KCND3: variants seen among roughly 807,000 people sequenced by gnomAD.
The protein encoded by KCND3 is A-type voltage-gated potassium channel KCND3.
KCND3 carries 9 observed loss-of-function variants against 51.1 expected under a neutral mutation model. The ratio of observed to expected loss-of-function variants is 0.18; its 90% CI spans 0.11 to 0.31. KCND3 has a LOEUF of 0.31. Ranked by LOEUF, KCND3 falls within the 10% of genes least tolerant of loss-of-function variation. The pLI, the probability that KCND3 is intolerant of heterozygous loss-of-function variation, is 1.00. For synonymous variants in KCND3, 349 were observed against 368.0 expected, an observed-to-expected ratio of 0.95 and a Z score of 0.59; for missense variants, 526 against 903.8, an observed-to-expected ratio of 0.58 and a Z score of 5.36.
chr1:111,854,769 G>A (rs1422537038), intron 2 of KCND3, among the ~76,000 whole-genome samples: 1 of 152,132 alleles, frequency 6.6e-6, no homozygotes, highest in Non-Finnish European at 1.5e-5. Flanking sequence ...AGAGATGAGG[G>A]GACTAAGGCC....
intron 2 of KCND3, among the ~76,000 whole-genome samples, chr1:111,886,413 A>T (rs1449534752): frequency 6.6e-6 from 1 of 152,222 alleles, no homozygotes; most frequent in East Asian, 1.9e-4. Context: ...CATGAAAAAT[A>T]TGGGGAAGAG....
At chr1:111,848,516 A>C (rs1022564629) in intron 2 of KCND3, among the ~76,000 whole-genome samples, 2 of 152,152 alleles carry the variant, frequency 1.3e-5, no homozygotes, top group African/African-American at 4.8e-5. Context: ...ATATAGCTGC[A>C]AACAAATAGG....
Position 111,780,768 on chromosome 1 carries a change from A to G in KCND3, c.1293T>C (p.Arg431=). 4 of 1,613,496 alleles carry G rather than the reference A, an allele frequency of 2.5e-6. No homozygotes were observed. The highest frequency in any genetic ancestry group is 3.4e-6 in the Non-Finnish European group (4 of 1,179,854). ...AQKKARLARI[R]VAKTGSSNAY... is the part of the protein sequence containing the mutation. Reference sequence around the variant, plus strand: ...CATTCGAACTGCCTGTTTTGGCCACACGGATCCTGGCAAGGCGGGCCTTCT... The same window carrying G: ...CATTCGAACTGCCTGTTTTGGCCACGCGGATCCTGGCAAGGCGGGCCTTCT... Residue 431 remains arginine (R), a synonymous_variant, in exon 4 of 8, where the codon CGT becomes CGC. Coordinates refer to ENST00000302127, the MANE Select transcript of KCND3 (RefSeq NM_001378969.1). The surrounding 1 kb of genome is among the most constrained non-coding windows in gnomAD (Gnocchi z 4.2).
At chr1:111,936,999 G>A (rs1672251621) in intron 2 of KCND3, among the ~76,000 whole-genome samples, 1 of 152,158 alleles carries the variant, frequency 6.6e-6, no homozygotes, top group Non-Finnish European at 1.5e-5. Context: ...CAAGGCTAGT[G>A]GAATAATTTT....
chr1:111,982,999 C>T lies in KCND3; in HGVS notation c.-72-201G>A, dbSNP rs750966781. Among the ~76,000 whole-genome samples, 2 of 152,088 alleles carry T rather than the reference C, an allele frequency of 1.3e-5. No individual in the cohort carries two copies. The highest frequency in any genetic ancestry group is 1.3e-4 in the Admixed American group (2 of 15,270). On this transcript the variant is annotated intron_variant, in intron 1 of 7. Coordinates refer to ENST00000302127, the MANE Select transcript of KCND3 (RefSeq NM_001378969.1). The surrounding 1 kb of genome is among the most constrained non-coding windows in gnomAD (Gnocchi z 8.5). ...GGGAGAACACCTAGCTCCTGGAGCT[C>T]GGCAGGGTGGGATCGCCAGATGTTG...
chr1:111,973,910 C>G (rs1674480484), intron 2 of KCND3, among the ~76,000 whole-genome samples: 1 of 152,218 alleles, frequency 6.6e-6, no homozygotes, highest in Non-Finnish European at 1.5e-5. Context: ...CCAGCCTCAT[C>G]CATCTCTCCA....
chr1:111,989,660 T>G lies in KCND3; in HGVS notation c.-228A>C, dbSNP rs2102023673. The G allele has an allele frequency of 6.7e-6, 1 of 148,374 alleles. No homozygotes were observed. The highest frequency in any genetic ancestry group is 2.0e-4 in the East Asian group (1 of 5,082). The allele number at this position is 148,374 out of a possible 1,614,324, so 9.2% of individuals were successfully genotyped here. ...GCGGCTCCTCCTCGCCAGCGCAGTC[T>G]CGCTCGCTGCCTCCCTCGCTCGGTC... On this transcript the variant is annotated 5_prime_UTR_variant, in exon 1 of 8. Transcript: ENST00000302127.
chr1:111,854,830 C>T (rs1024727287), intron 2 of KCND3, among the ~76,000 whole-genome samples: 10 of 152,208 alleles, frequency 6.6e-5, no homozygotes, highest in South Asian at 4.1e-4. Context: ...AGCTGCTGAG[C>T]TGGAGCCTCC....
At chr1:111,963,744 CT>C (rs1374226024) in intron 2 of KCND3, among the ~76,000 whole-genome samples, 1 of 152,216 alleles carries the variant, frequency 6.6e-6, no homozygotes, top group African/African-American at 2.4e-5. Flanking sequence ...GAGAGACTTC[CT>C]GACAGCAAGC....
chr1:111,949,767 C>T (rs1672967117), intron 2 of KCND3, among the ~76,000 whole-genome samples: 1 of 151,810 alleles, frequency 6.6e-6, no homozygotes. Context: ...ACATGTGATT[C>T]CTTCCAAGAA....
intron 2 of KCND3, among the ~76,000 whole-genome samples, chr1:111,962,865 T>C (rs1388792766): frequency 6.6e-6 from 1 of 152,224 alleles, no homozygotes; most frequent in Non-Finnish European, 1.5e-5. Flanking sequence ...CCTTTGGCCA[T>C]TGGGACATTA....
At chr1:111,792,865 T>C (rs1202082111) in intron 2 of KCND3, among the ~76,000 whole-genome samples, 1 of 149,696 alleles carries the variant, frequency 6.7e-6, no homozygotes. Flanking sequence ...TAATTCTCAC[T>C]TCTACTTTTG....
Position 111,933,965 on chromosome 1 carries a change from A to G in KCND3, c.1106+47656T>C, listed in dbSNP as rs188614398. ...TATAGGCAGGAGGCACAGATCAAGCATCTGTTGACAGAAGCAAATTGAAGG... is the reference window on the plus strand; with the variant it reads ...TATAGGCAGGAGGCACAGATCAAGCGTCTGTTGACAGAAGCAAATTGAAGG... On this transcript the variant is annotated intron_variant, in intron 2 of 7. Coordinates refer to ENST00000302127, the MANE Select transcript of KCND3 (RefSeq NM_001378969.1). Among the ~76,000 whole-genome samples the G allele has an allele frequency of 1.9e-3, 287 of 152,336 alleles. 3 individuals are homozygous for G. The highest frequency in any genetic ancestry group is 1.8e-3 in the Non-Finnish European group (125 of 68,028).
chr1:111,949,682 AT>A (rs1672961703), intron 2 of KCND3, among the ~76,000 whole-genome samples: 1 of 149,878 alleles, frequency 6.7e-6, no homozygotes, highest in South Asian at 2.1e-4. Context: ...TTTTTAGTTG[AT>A]TCCTTCTGCC....
chr1:111,977,583 C>A (rs563539893), intron 2 of KCND3, among the ~76,000 whole-genome samples: 1 of 152,168 alleles, frequency 6.6e-6, no homozygotes, highest in East Asian at 1.9e-4. Flanking sequence ...TCATCGGGAT[C>A]GGACACTGCT....
intron 2 of KCND3, among the ~76,000 whole-genome samples, chr1:111,968,740 C>T (rs534213506): frequency 4.6e-5 from 7 of 152,198 alleles, no homozygotes; most frequent in African/African-American, 1.2e-4. Context: ...CAGGCTCCCC[C>T]ACCTGGTCCC....
Position 111,770,848 on chromosome 1 carries a change from C to T in KCND3, c.*5229G>A, listed in dbSNP as rs919366597. 1.3e-5 allele frequency: 2 copies of T among 151,578 alleles called. No individual in the cohort carries two copies. Among genetic ancestry groups the T allele is most frequent in the Non-Finnish European group, 1.5e-5 (1 of 67,934 alleles). 9.4% of individuals were successfully genotyped at this position (151,578 alleles called of 1,614,324 possible). A position where few individuals can be genotyped will look rare whatever the true frequency, so the allele number is the denominator to read the frequency against. On this transcript the variant is annotated 3_prime_UTR_variant, in exon 8 of 8. Coordinates refer to ENST00000302127, the MANE Select transcript of KCND3 (RefSeq NM_001378969.1). ...TAGAAAGTTTTCATGTTTTATCTTC[C>T]TGCAGTTTTGTACAGTATATTTCTT...
intron 1 of KCND3, among the ~76,000 whole-genome samples, chr1:111,983,124 A>G (rs1030939274): frequency 4.6e-5 from 7 of 152,230 alleles, no homozygotes; most frequent in African/African-American, 1.4e-4. Context: ...GGTAATAATC[A>G]GCTCTGAAAG....
intron 1 of KCND3, among the ~76,000 whole-genome samples, chr1:111,985,696 CT>C (rs1353971002): frequency 6.6e-6 from 1 of 152,226 alleles, no homozygotes; most frequent in Non-Finnish European, 1.5e-5. Context: ...ATTCAAGTAT[CT>C]GCCTCTGACT....
Sources: allele counts gnomAD v4.1 joint callset (sites outside exome capture counted in the v4.1 genomes callset), GRCh38; gene constraint gnomAD v4.1.1; non-coding constraint Gnocchi (gnomAD v3.1); transcripts MANE v1.5; gene names NCBI Gene and HGNC (gene_info 2026-07-23, HGNC 2026-07-21).